Variants in GALM observed in about 807,000 individuals in gnomAD.
GALM encodes the protein aldose 1-epimerase.
Under a neutral mutation model 37.4 loss-of-function variants are expected in GALM, and 43 were observed. The observed-to-expected ratio is 1.15, with a 90% CI of 0.90 to 1.48. The LOEUF is 1.48. Ranked by LOEUF, GALM falls within the 40% of genes most tolerant of loss-of-function variation. The probability of loss-of-function intolerance (pLI) is 0.00; values close to 1 mark genes in which losing one functional copy is unlikely to be tolerated. For missense variants in GALM, 456 were observed against 419.1 expected, an observed-to-expected ratio of 1.09 and a Z score of -0.77; for synonymous variants, 199 against 170.6, an observed-to-expected ratio of 1.17 and a Z score of -1.30.
chr2:38,725,270 C>G (rs1480670849), intron 4 of GALM, among the ~76,000 whole-genome samples: 1 of 152,180 alleles, frequency 6.6e-6, no homozygotes, highest in Non-Finnish European at 1.5e-5. Flanking sequence ...CATGGTGGCT[C>G]ATGCTTGTAA....
At chr2:38,730,680 G>T (rs1294790417) in intron 5 of GALM, among the ~76,000 whole-genome samples, 1 of 152,154 alleles carries the variant, frequency 6.6e-6, no homozygotes, top group Non-Finnish European at 1.5e-5. Context: ...CAGCACTTTA[G>T]GTGGCTGAGG....
chr2:38,676,994 A>G (rs1266640525), intron 2 of GALM, among the ~76,000 whole-genome samples: 2 of 152,164 alleles, frequency 1.3e-5, no homozygotes, highest in Non-Finnish European at 2.9e-5. Flanking sequence ...TCATGCCTCA[A>G]AATCATATCA....
At chr2:38,676,203 G>A (rs998860695) in intron 2 of GALM, 137 bp downstream of exon 2, 9 of 807,538 alleles carry the variant, frequency 1.1e-5, no homozygotes, top group Non-Finnish European at 1.8e-5. Context: ...GTTCAGGGCA[G>A]CAGGTGCAAT....
intron 4 of GALM, among the ~76,000 whole-genome samples, chr2:38,707,021 G>C (rs2148446337): frequency 6.6e-6 from 1 of 151,766 alleles, no homozygotes; most frequent in Middle Eastern, 3.4e-3. Flanking sequence ...AAGCAGGAAG[G>C]CTGTGTGATG....
At chr2:38,733,293 G>A (rs978846435) in intron 6 of GALM, among the ~76,000 whole-genome samples, 195 bp from the exon 7 acceptor site, 5 of 151,080 alleles carry the variant, frequency 3.3e-5, no homozygotes, top group African/African-American at 1.2e-4. Flanking sequence ...CATCAGGAAA[G>A]CCTTCCTTTA....
intron 2 of GALM, among the ~76,000 whole-genome samples, chr2:38,677,247 C>A (rs180748837): frequency 8.3e-4 from 126 of 152,266 alleles, no homozygotes; most frequent in African/African-American, 3.0e-3. Flanking sequence ...ATTATACCAC[C>A]CAGGTTATTT....
At chr2:38,718,710 T>C (rs972254048) in intron 4 of GALM, among the ~76,000 whole-genome samples, 3 of 151,796 alleles carry the variant, frequency 2.0e-5, no homozygotes, top group Middle Eastern at 3.2e-3. Context: ...TACTGGGTTG[T>C]GTGAAGATGG....
chr2:38,679,360 C>T (rs538395972), intron 2 of GALM, among the ~76,000 whole-genome samples: 2 of 151,986 alleles, frequency 1.3e-5, no homozygotes, highest in East Asian at 1.9e-4. Context: ...CCCCACCGCC[C>T]CCGACACACA....
Position 38,713,670 on chromosome 2 carries a change from A to G in GALM, c.635-15886A>G, listed in dbSNP as rs1462381134. 3.9e-5 allele frequency among the ~76,000 whole-genome samples: 6 copies of G among 152,124 alleles called. No individual in the cohort carries two copies. The East Asian group carries it at 1.2e-3, about 29-fold the overall frequency. On this transcript the variant is annotated intron_variant, in intron 4 of 6. Transcript: ENST00000272252. Reference sequence around the variant, plus strand: ...TGTAATCCCAGCACTTTGGGAGGCCAAGACAGAAGGATTGCTTGAGCTCAT... The same window carrying G: ...TGTAATCCCAGCACTTTGGGAGGCCGAGACAGAAGGATTGCTTGAGCTCAT...
chr2:38,690,330 A>T (rs1018080397), intron 4 of GALM, among the ~76,000 whole-genome samples: 57 of 151,908 alleles, frequency 3.8e-4, no homozygotes, highest in South Asian at 1.2e-3. Flanking sequence ...TTAAAAAAAA[A>T]TTTTTTTAAT....
chr2:38,679,893 A>G (rs1484074558), intron 2 of GALM, among the ~76,000 whole-genome samples: 2 of 152,200 alleles, frequency 1.3e-5, no homozygotes, highest in Non-Finnish European at 2.9e-5. Flanking sequence ...TGGGCACCCG[A>G]TAAGTGTTCG....
intron 4 of GALM, among the ~76,000 whole-genome samples, chr2:38,703,360 C>A (rs1665969888): frequency 6.6e-6 from 1 of 151,306 alleles, no homozygotes; most frequent in Non-Finnish European, 1.5e-5. Flanking sequence ...CCCACCTTGG[C>A]CTCTCAAAAT....
chr2:38,690,681 C>T (rs1015896420), intron 4 of GALM, among the ~76,000 whole-genome samples: 1 of 152,154 alleles, frequency 6.6e-6, no homozygotes. Context: ...AATCTGCCCG[C>T]CTCAGCCTCT....
Position 38,703,052 on chromosome 2 carries a change from TTTTATATATATATATATATATA to T in GALM, c.634+13160_634+13181del, listed in dbSNP as rs1236386764. 1.3e-4 allele frequency among the ~76,000 whole-genome samples: 4 copies of T among 31,658 alleles called. 1 individual carries two copies. The highest frequency in any genetic ancestry group is 1.7e-3 in the East Asian group (2 of 1,174). The allele number at this position is 31,658 out of a possible 152,430, so 20.8% of individuals were successfully genotyped here. A position where few individuals can be genotyped will look rare whatever the true frequency, so the allele number is the denominator to read the frequency against. On this transcript the variant is annotated intron_variant, in intron 4 of 6. Coordinates refer to ENST00000272252, the MANE Select transcript of GALM (RefSeq NM_138801.3). ...GGCTGAGGTGGGATGATATGTGGGA[TTTTATATATATATATATATATA>T]TATATATATATATATATATTTTTTT...
At chr2:38,715,785 T>C (rs1666258991) in intron 4 of GALM, among the ~76,000 whole-genome samples, 1 of 152,202 alleles carries the variant, frequency 6.6e-6, no homozygotes, top group South Asian at 2.1e-4. Context: ...CCTCTGCTAC[T>C]GTCCATAGTA....
intron 4 of GALM, among the ~76,000 whole-genome samples, chr2:38,718,914 A>G (rs1402362955): frequency 6.6e-6 from 1 of 151,874 alleles, no homozygotes; most frequent in Non-Finnish European, 1.5e-5. Flanking sequence ...CGGGTGAGAG[A>G]GTGTTCATGG....
At chr2:38,688,623 C>G (rs184949162) in intron 3 of GALM, among the ~76,000 whole-genome samples, 2 of 152,160 alleles carry the variant, frequency 1.3e-5, no homozygotes, top group Admixed American at 1.3e-4. Flanking sequence ...AAAGCCCTCA[C>G]TTGGTTTCCC....
At chr2:38,681,601 G>A in intron 3 of GALM, 115 bp downstream of exon 3, 1 of 822,974 alleles carries the variant, frequency 1.2e-6, no homozygotes, top group Non-Finnish European at 2.0e-6. Context: ...CCCTCATGAT[G>A]ATGAAAAGGG....
At chr2:38,686,220 ATTTC>A (rs200050911) in intron 3 of GALM, among the ~76,000 whole-genome samples, 3,304 of 93,544 alleles carry the variant, frequency 0.035, 134 homozygotes, top group Middle Eastern at 0.05. Context: ...GAAAGTGGAA[ATTTC>A]TTTCTTTCTT....
Sources: allele counts gnomAD v4.1 joint callset (sites outside exome capture counted in the v4.1 genomes callset), GRCh38; gene constraint gnomAD v4.1.1; transcripts MANE v1.5; gene names NCBI Gene and HGNC (gene_info 2026-07-23, HGNC 2026-07-21).